The following PDE1C variants were observed in gnomAD, a reference collection of about 807,000 sequenced individuals.
PDE1C encodes the protein dual specificity calcium/calmodulin-dependent 3',5'-cyclic nucleotide phosphodiesterase 1C.
PDE1C carries 62 observed loss-of-function variants against 93.1 expected under a neutral mutation model. The ratio of observed to expected loss-of-function variants is 0.67; its 90% CI spans 0.54 to 0.82. The LOEUF (loss-of-function observed/expected upper bound fraction) is 0.82. Ranked by LOEUF, PDE1C falls within the 40% of genes least tolerant of loss-of-function variation. The pLI is 0.00. For missense variants in PDE1C, 742 were observed against 884.6 expected (o/e 0.84, Z 2.04); for synonymous variants, 325 against 310.1 (o/e 1.05, Z -0.50).
intron 16 of PDE1C, among the ~76,000 whole-genome samples, chr7:31,797,003 A>T (rs1785383958): frequency 6.6e-6 from 1 of 151,726 alleles, no homozygotes; most frequent in Non-Finnish European, 1.5e-5. Flanking sequence ...ATTGGAGTGG[A>T]GAGTTTAGAT....
intron 1 of PDE1C, among the ~76,000 whole-genome samples, chr7:32,410,403 G>A (rs1419501564): frequency 6.6e-6 from 1 of 151,150 alleles, no homozygotes; most frequent in South Asian, 2.1e-4. Flanking sequence ...GGAGGGGGAG[G>A]AGGAGGAAGA....
chr7:32,400,851 T>C (rs758599055), intron 1 of PDE1C, among the ~76,000 whole-genome samples: 2 of 152,230 alleles, frequency 1.3e-5, no homozygotes, highest in African/African-American at 4.8e-5. Context: ...ATCCCCGACA[T>C]AGTTCCTGCT....
At chr7:32,062,658 C>T (rs183764355) in intron 1 of PDE1C, among the ~76,000 whole-genome samples, 5 of 152,300 alleles carry the variant, frequency 3.3e-5, no homozygotes, top group Admixed American at 3.3e-4. Flanking sequence ...GGACTTCTTG[C>T]AGCACTCGTC....
chr7:31,814,342 A>G (rs1787955517), intron 15 of PDE1C, among the ~76,000 whole-genome samples: 1 of 152,074 alleles, frequency 6.6e-6, no homozygotes, highest in East Asian at 1.9e-4. Context: ...ATGCACTTGA[A>G]TACAAAGCAA....
chr7:32,299,512 G>C (rs1359598192), upstream of PDE1C: 1 of 762,652 alleles, frequency 1.3e-6, no homozygotes, highest in Admixed American at 6.3e-5. Flanking sequence ...CAAATAGCTT[G>C]TCCTGTCCTT....
At chr7:31,812,793 A>G (rs963353406) in intron 15 of PDE1C, among the ~76,000 whole-genome samples, 1 of 152,138 alleles carries the variant, frequency 6.6e-6, no homozygotes, top group Non-Finnish European at 1.5e-5. Context: ...TCTTATAAAC[A>G]GCAGTTAAGT....
At chr7:32,247,248 A>AAAAGTGTAGGCAGTTAATAGAAACT (rs1449130722) in intron 1 of PDE1C, among the ~76,000 whole-genome samples, 4 of 122,744 alleles carry the variant, frequency 3.3e-5, no homozygotes, top group Non-Finnish European at 5.5e-5. Context: ...GAATTGAAGC[A>AAAAGTGTAGGCAGTTAATAGAAACT]GTGGCCACAG....
At chr7:32,280,085 T>A (rs1423486768) in intron 1 of PDE1C, among the ~76,000 whole-genome samples, 2 of 152,142 alleles carry the variant, frequency 1.3e-5, no homozygotes, top group East Asian at 3.8e-4. Context: ...CACTAAAACA[T>A]CAGAAGTAGA....
chr7:31,960,628 G>GA (rs1808809601), intron 2 of PDE1C, among the ~76,000 whole-genome samples: 1 of 152,102 alleles, frequency 6.6e-6, no homozygotes, highest in Admixed American at 6.5e-5. Context: ...AATGGTTCAG[G>GA]AAAAAATAGA....
chr7:31,694,372 T>G, the PDE1C span, among the ~76,000 whole-genome samples: 3 of 95,640 alleles, frequency 3.1e-5, no homozygotes, highest in Non-Finnish European at 4.5e-5. Context: ...ATTTTAGCTC[T>G]CTCTCTCTCT....
At chr7:32,366,645 AAAG>A (rs1298085503) in intron 1 of PDE1C, among the ~76,000 whole-genome samples, 1 of 152,190 alleles carries the variant, frequency 6.6e-6, no homozygotes, top group Non-Finnish European at 1.5e-5. Flanking sequence ...AAATTCAAAC[AAAG>A]AATTTTAAAA....
At chr7:31,950,767 C>T (rs1156819609) in intron 2 of PDE1C, among the ~76,000 whole-genome samples, 1 of 152,122 alleles carries the variant, frequency 6.6e-6, no homozygotes, top group Non-Finnish European at 1.5e-5. Context: ...GAGAATTTAG[C>T]ATAAATTCTA....
intron 1 of PDE1C, among the ~76,000 whole-genome samples, chr7:32,308,808 G>A (rs1439280005): frequency 1.3e-5 from 2 of 151,982 alleles, no homozygotes; most frequent in African/African-American, 2.4e-5. Context: ...AAAAAACAGA[G>A]CAGAAAAACT....
intron 2 of PDE1C, among the ~76,000 whole-genome samples, chr7:32,014,181 A>G (rs1337210544): frequency 6.6e-6 from 1 of 152,244 alleles, no homozygotes; most frequent in Non-Finnish European, 1.5e-5. Context: ...TAAACAGGCA[A>G]GACACACAAG....
At chr7:32,297,181 T>C (rs11762517) in intron 1 of PDE1C, among the ~76,000 whole-genome samples, 15,928 of 152,072 alleles carry the variant, frequency 0.1, 897 homozygotes, top group South Asian at 0.16. Flanking sequence ...GAAGGGCAAG[T>C]GTTCAGTCCA....
intron 2 of PDE1C, among the ~76,000 whole-genome samples, chr7:31,893,300 T>C (rs1241273821): frequency 6.6e-6 from 1 of 152,210 alleles, no homozygotes; most frequent in Non-Finnish European, 1.5e-5. Context: ...CTTCCAACTA[T>C]ACATCATTTT....
intron 16 of PDE1C, among the ~76,000 whole-genome samples, chr7:31,780,803 TTGTGTGTGTGTGTGTG>T (rs55970947): frequency 0.01 from 1,508 of 149,712 alleles, 18 homozygotes; most frequent in African/African-American, 0.032. Flanking sequence ...ACGTGTGCAT[TTGTGTGTGTGTGTGTG>T]TGTGTGTGTG....
At chr7:32,147,864 C>G (rs4352745) in intron 3 of PDE1C, among the ~76,000 whole-genome samples, 24 of 151,576 alleles carry the variant, frequency 1.6e-4, no homozygotes, top group Non-Finnish European at 3.1e-4. Flanking sequence ...AAAGCTGATG[C>G]CATTGGGAGT....
At chr7:32,187,782 T>C (rs1803979602) in intron 2 of PDE1C, among the ~76,000 whole-genome samples, 1 of 150,622 alleles carries the variant, frequency 6.6e-6, no homozygotes, top group African/African-American at 2.5e-5. Context: ...TCTGGTCATT[T>C]TAACATATAA....
Sources: allele counts gnomAD v4.1 joint callset (sites outside exome capture counted in the v4.1 genomes callset), GRCh38; gene constraint gnomAD v4.1.1; transcripts MANE v1.5; gene names NCBI Gene and HGNC (gene_info 2026-07-23, HGNC 2026-07-21).